PRRG1: variants seen among roughly 807,000 people sequenced by gnomAD.
The protein encoded by PRRG1 is proline rich and Gla domain 1.
In PRRG1, 5 loss-of-function variants were observed where a neutral mutation model predicts 11.8. The observed-to-expected ratio is 0.42, with a 90% CI of 0.22 to 0.89. PRRG1 has a LOEUF of 0.89. Ranked by LOEUF, PRRG1 falls within the 40% of genes least tolerant of loss-of-function variation. PRRG1 has a pLI of 0.28. For missense variants in PRRG1, 155 were observed against 166.1 expected (o/e 0.93, Z 0.37); for synonymous variants, 66 against 60.4 (o/e 1.09, Z -0.43).
chrX:37,425,855 A>C lies in PRRG1; in HGVS notation c.26A>C (p.Glu9Ala), dbSNP rs1301892731. The C allele has an allele frequency of 8.5e-7, 1 of 1,183,275 alleles. No homozygotes were observed. Among genetic ancestry groups the C allele is most frequent in the African/African-American group, 1.8e-5 (1 of 55,687 alleles). MGRVFLTG[E>A]KANSILKRYP... ...TTCTTTTTAGTTTTCCTCACGGGAG[A>C]AAAAGCCAATTCCATATTAAAACGC... is the stretch of plus-strand genomic sequence containing the variant. The change falls in exon 3 of 4, where the codon GAA becomes GCA. Residue 9 changes from glutamate (E) to alanine (A), a missense_variant. Physicochemically the swap from Glu to Ala is moderately radical, Grantham distance 107. Coordinates refer to ENST00000378628, the MANE Select transcript of PRRG1 (RefSeq NM_001142395.2).
chrX:37,390,017 G>T (rs1409551701), intron 1 of PRRG1, among the ~76,000 whole-genome samples: 1 of 111,800 alleles, frequency 8.9e-6, no homozygotes, highest in East Asian at 2.8e-4. Flanking sequence ...GGTAATTTTT[G>T]AAAAACAAAA....
chrX:37,353,729 G>T (rs1319308337), intron 1 of PRRG1, among the ~76,000 whole-genome samples: 1 of 112,412 alleles, frequency 8.9e-6, no homozygotes, highest in African/African-American at 3.2e-5. Context: ...ATGCTGTACA[G>T]GATTGTAGCC....
At chrX:37,404,457 ACT>A (rs1932127262) in intron 1 of PRRG1, among the ~76,000 whole-genome samples, 1 of 111,949 alleles carries the variant, frequency 8.9e-6, no homozygotes, top group Non-Finnish European at 1.9e-5. Flanking sequence ...TTGAGATGAC[ACT>A]TGGGAAGGGT....
At chrX:37,397,595 C>T (rs996639207) in intron 1 of PRRG1, among the ~76,000 whole-genome samples, 1 of 112,162 alleles carries the variant, frequency 8.9e-6, no homozygotes, top group Admixed American at 9.4e-5. Context: ...TTACTTTCTA[C>T]TCAGGTAATG....
At chrX:37,402,073 T>G (rs1932010000) in intron 1 of PRRG1, among the ~76,000 whole-genome samples, 1 of 111,589 alleles carries the variant, frequency 9.0e-6, no homozygotes, top group African/African-American at 3.3e-5. Flanking sequence ...AGGTAATTTA[T>G]AGATTCAATG....
At chrX:37,437,236 G>A (rs1178662561) in intron 3 of PRRG1, among the ~76,000 whole-genome samples, 1 of 111,172 alleles carries the variant, frequency 9.0e-6, no homozygotes, top group Non-Finnish European at 1.9e-5. Flanking sequence ...TCAGGTTATG[G>A]TAGTAACTGA....
At chrX:37,379,370 A>G (rs781970236) in intron 1 of PRRG1, among the ~76,000 whole-genome samples, 2 of 110,638 alleles carry the variant, frequency 1.8e-5, no homozygotes, top group East Asian at 5.6e-4. Context: ...TGCAAGTAAC[A>G]GTTAGCAATA....
At position 37,453,665 on chromosome X, in the gene PRRG1, T is replaced by C. The variant is rs1556397469; in HGVS notation, c.*44T>C. 10 of 1,109,680 alleles carry C rather than the reference T, an allele frequency of 9.0e-6. No homozygotes were observed. The Admixed American group carries it at 2.8e-4, about 31-fold the overall frequency. 91.5% of individuals were successfully genotyped at this position (1,109,680 alleles called of 1,213,427 possible). A position where few individuals can be genotyped will look rare whatever the true frequency, so the allele number is the denominator to read the frequency against. On this transcript the variant is annotated 3_prime_UTR_variant, in exon 4 of 4. Transcript: ENST00000378628. ...ACTCTAATCATTTTTAAAATACTAA[T>C]GGAAGAACTTTCTAGCACTTTACCA...
At chrX:37,402,970 T>C (rs1932055391) in intron 1 of PRRG1, among the ~76,000 whole-genome samples, 1 of 111,159 alleles carries the variant, frequency 9.0e-6, no homozygotes, top group South Asian at 3.8e-4. Flanking sequence ...CATTAAAAAG[T>C]CAGGAAACAA....
At chrX:37,398,325 G>A (rs1056489033) in intron 1 of PRRG1, among the ~76,000 whole-genome samples, 3 of 111,681 alleles carry the variant, frequency 2.7e-5, no homozygotes, top group African/African-American at 9.8e-5. Context: ...CGGTTCACGA[G>A]AATCCGCTGT....
At chrX:37,390,660 A>G (rs1254242404) in intron 1 of PRRG1, among the ~76,000 whole-genome samples, 6 of 112,171 alleles carry the variant, frequency 5.3e-5, no homozygotes, top group African/African-American at 1.9e-4. Flanking sequence ...ATCACTGTAG[A>G]CACCACCACT....
At chrX:37,443,484 A>T (rs1933022626) in intron 3 of PRRG1, among the ~76,000 whole-genome samples, 1 of 111,931 alleles carries the variant, frequency 8.9e-6, no homozygotes, top group Non-Finnish European at 1.9e-5. Flanking sequence ...GCTCACCAGA[A>T]AAAGTGTAAG....
chrX:37,390,934 C>T (rs782621523), intron 1 of PRRG1, among the ~76,000 whole-genome samples: 1 of 112,398 alleles, frequency 8.9e-6, no homozygotes, highest in South Asian at 3.7e-4. Context: ...CAAGGGAAGC[C>T]CTCAGCACAT....
At position 37,455,364 on chromosome X, in the gene PRRG1, T is replaced by A. The variant is rs1921312370; in HGVS notation, c.*1743T>A. 1 of 112,492 alleles carries A rather than the reference T, an allele frequency of 8.9e-6. No homozygotes were observed. Among genetic ancestry groups the A allele is most frequent in the East Asian group, 2.8e-4 (1 of 3,607 alleles). 9.3% of individuals were successfully genotyped at this position (112,492 alleles called of 1,213,427 possible). A position where few individuals can be genotyped will look rare whatever the true frequency, so the allele number is the denominator to read the frequency against. ...ATGTGAAGAGCTATCTACACTAAGT[T>A]CGTAATGTTATTATTATTGTGCTTC... On this transcript the variant is annotated 3_prime_UTR_variant, in exon 4 of 4. Transcript: ENST00000378628.
Position 37,453,427 on chromosome X carries a change from C to T in PRRG1, c.463C>T (p.Arg155Cys), listed in dbSNP as rs375470626. Reference sequence around the variant, plus strand: ...AGGCTTTCTGGGATATGTAGTTGGGCGCTCAGATTCCGTCTCTACTCGCCT... The same window carrying T: ...AGGCTTTCTGGGATATGTAGTTGGGTGCTCAGATTCCGTCTCTACTCGCCT... Reference protein sequence around the residue: ...SPGFLGYVVGRSDSVSTRLSN... With the variant: ...SPGFLGYVVGCSDSVSTRLSN... The change falls in exon 4 of 4, where the codon CGC becomes TGC. Residue 155 changes from arginine (R) to cysteine (C), a missense_variant. Transcript: ENST00000378628. The T allele has an allele frequency of 2.0e-5, 24 of 1,204,113 alleles. No homozygotes were observed. The highest frequency in any genetic ancestry group is 9.0e-5 in the African/African-American group (5 of 55,771).
At chrX:37,398,140 C>T (rs782639522) in intron 1 of PRRG1, among the ~76,000 whole-genome samples, 19 of 111,108 alleles carry the variant, frequency 1.7e-4, no homozygotes, top group East Asian at 1.4e-3. Context: ...TCTCCCAGCA[C>T]GCAGCTGGAG....
chrX:37,365,577 C>T (rs1471987600), intron 1 of PRRG1, among the ~76,000 whole-genome samples: 1 of 112,113 alleles, frequency 8.9e-6, no homozygotes, highest in African/African-American at 3.2e-5. Flanking sequence ...TCCATATCTG[C>T]ATTTAAAGAA....
intron 2 of PRRG1, among the ~76,000 whole-genome samples, chrX:37,408,453 T>C (rs1379937973): frequency 9.0e-6 from 1 of 111,319 alleles, no homozygotes; most frequent in Non-Finnish European, 1.9e-5. Flanking sequence ...CGTTTTAATG[T>C]GCAAATGTAT....
At chrX:37,352,695 A>T (rs1930106938) in intron 1 of PRRG1, among the ~76,000 whole-genome samples, 1 of 111,935 alleles carries the variant, frequency 8.9e-6, no homozygotes, top group South Asian at 3.7e-4. Flanking sequence ...GAGAAATCGA[A>T]AATTGGAGGC....
Sources: gnomAD v4.1 joint callset for allele counts (sites outside exome capture counted in the v4.1 genomes callset) on GRCh38, gnomAD v4.1.1 for gene constraint, MANE v1.5 for transcripts, NCBI Gene and HGNC (gene_info 2026-07-23, HGNC 2026-07-21) for gene names.